HNRNPH2: variants seen among roughly 807,000 people sequenced by gnomAD.
HNRNPH2 encodes the protein heterogeneous nuclear ribonucleoprotein H2, also known as FTP-3.
For synonymous variants in HNRNPH2, 128 were observed against 128.2 expected (o/e 1.00, Z 0.01); for missense variants, 115 against 352.9 (o/e 0.33, Z 5.40).
rs372353823 is a variant in HNRNPH2 at position 101,412,429 on chromosome X, T to C, written c.441T>C (p.Phe147=). 2 of 1,210,765 alleles carry C rather than the reference T, an allele frequency of 1.7e-6. No individual in the cohort carries two copies. Among genetic ancestry groups the C allele is most frequent in the Non-Finnish European group, 2.2e-6 (2 of 895,282 alleles). Residue 147 remains phenylalanine, a synonymous_variant, in exon 2 of 2, where the codon TTT becomes TTC. Coordinates refer to ENST00000316594, the MANE Select transcript of HNRNPH2 (RefSeq NM_019597.5). ...VPNGMTLPVD[F]QGRSTGEAFV... is the part of the protein sequence containing the mutation. ...ATGGGATGACACTGCCAGTGGACTT[T>C]CAGGGGCGAAGCACAGGGGAAGCCT...
chrX:101,408,543 C>T (rs1041781363), intron 1 of HNRNPH2, among the ~76,000 whole-genome samples: 6 of 109,925 alleles, frequency 5.5e-5, no homozygotes, highest in African/African-American at 1.7e-4. Context: ...ATCTGTCTGT[C>T]TGGGCCGGTC....
At chrX:101,410,257 G>C (rs912674711) in intron 1 of HNRNPH2, among the ~76,000 whole-genome samples, 2 of 112,395 alleles carry the variant, frequency 1.8e-5, no homozygotes, top group African/African-American at 6.5e-5. Flanking sequence ...TAACTGAAAT[G>C]TATTTGCTGT....
chrX:101,408,268 C>T lies in HNRNPH2; in HGVS notation c.-105C>T, dbSNP rs1928624397. The T allele has an allele frequency of 7.3e-6, 2 of 273,690 alleles. No individual in the cohort carries two copies. Among genetic ancestry groups the T allele is most frequent in the East Asian group, 8.6e-5 (1 of 11,649 alleles). 22.6% of individuals were successfully genotyped at this position (273,690 alleles called of 1,213,427 possible). ...TAGTTCTGGTCGTCGTCTACCGTCTCGCTATAGCCGTTTGAGGGAAGAAGG... is the reference window on the plus strand; with the variant it reads ...TAGTTCTGGTCGTCGTCTACCGTCTTGCTATAGCCGTTTGAGGGAAGAAGG... On this transcript the variant is annotated 5_prime_UTR_variant, in exon 1 of 2. Coordinates refer to ENST00000316594, the MANE Select transcript of HNRNPH2 (RefSeq NM_019597.5).
rs1928877441 is a variant in HNRNPH2, at chrX:101,413,682, A to C, written c.*344A>C. ...CAGTATTGACCATAACTGTTAAAAC[A>C]ATTTTTAGCTTTCCTCAAGTTAGTT... is the stretch of plus-strand genomic sequence containing the variant. On this transcript the variant is annotated 3_prime_UTR_variant, in exon 2 of 2. Coordinates refer to ENST00000316594, the MANE Select transcript of HNRNPH2 (RefSeq NM_019597.5). 1 of 163,219 alleles carries C rather than the reference A, an allele frequency of 6.1e-6. No homozygotes were observed. The highest frequency in any genetic ancestry group is 7.5e-5 in the Admixed American group (1 of 13,336). The allele number at this position is 163,219 out of a possible 1,213,427, so 13.5% of individuals were successfully genotyped here. A position where few individuals can be genotyped will look rare whatever the true frequency, so the allele number is the denominator to read the frequency against.
At position 101,413,171 on chromosome X, in the gene HNRNPH2, C is replaced by G; in HGVS notation, c.1183C>G (p.Gln395Glu). The change falls in exon 2 of 2, where the codon CAA becomes GAA. Residue 395 changes from glutamine (Q) to glutamate (E), a missense_variant. Transcript: ENST00000316594. ...GGCAAGTGGTGGCGCTTATGGTAGC[C>G]AAATGATGGGAGGGATGGGCTTATC... ...AGASGGAYGS[Q>E]MMGGMGLSNQ... 1 of 1,211,454 alleles carries G rather than the reference C, an allele frequency of 8.3e-7. No homozygotes were observed. The highest frequency in any genetic ancestry group is 1.1e-6 in the Non-Finnish European group (1 of 895,392).
intron 1 of HNRNPH2, among the ~76,000 whole-genome samples, chrX:101,408,700 G>T (rs1928655785): frequency 9.0e-6 from 1 of 111,231 alleles, no homozygotes; most frequent in Non-Finnish European, 1.9e-5. Context: ...TGTCTGTAAG[G>T]GGAGGCCCCA....
At chrX:101,409,552 C>T (rs1213512429) in intron 1 of HNRNPH2, among the ~76,000 whole-genome samples, 1 of 111,801 alleles carries the variant, frequency 8.9e-6, no homozygotes, top group Admixed American at 9.5e-5. Context: ...CATGGAAAAT[C>T]CATAAACCTC....
chrX:101,413,440 T>C lies in HNRNPH2; in HGVS notation c.*102T>C. 1.6e-6 allele frequency: 1 copy of C among 642,252 alleles called. No homozygotes were observed. The highest frequency in any genetic ancestry group is 2.4e-6 in the Non-Finnish European group (1 of 418,777). The allele number at this position is 642,252 out of a possible 1,213,427, so 52.9% of individuals were successfully genotyped here. ...TGTTTAGTATATCCAGTATGATTGGTAAATGGGAAATATAATTGATTCTGA... is the reference window on the plus strand; with the variant it reads ...TGTTTAGTATATCCAGTATGATTGGCAAATGGGAAATATAATTGATTCTGA... On this transcript the variant is annotated 3_prime_UTR_variant, in exon 2 of 2. Transcript: ENST00000316594.
intron 1 of HNRNPH2, 112 bp from the exon 2 acceptor site, chrX:101,411,824 C>T: frequency 1.2e-6 from 1 of 836,969 alleles, no homozygotes; most frequent in East Asian, 3.4e-5. Context: ...ATACAGACGT[C>T]TTACAGAAAA....
intron 1 of HNRNPH2, among the ~76,000 whole-genome samples, chrX:101,411,167 A>G (rs782110589): frequency 2.7e-5 from 3 of 111,521 alleles, no homozygotes; most frequent in Non-Finnish European, 5.6e-5. Flanking sequence ...GAATGTGTGA[A>G]TTCCCAATAA....
intron 1 of HNRNPH2, 104 bp from the exon 2 acceptor site, chrX:101,411,832 A>G: frequency 1.1e-6 from 1 of 882,747 alleles, no homozygotes; most frequent in East Asian, 3.3e-5. Flanking sequence ...GTCTTACAGA[A>G]AAGCTGTCAG....
intron 1 of HNRNPH2, among the ~76,000 whole-genome samples, chrX:101,411,436 A>T (rs1603051641): frequency 2.2e-5 from 1 of 46,436 alleles, no homozygotes; most frequent in Non-Finnish European, 3.7e-5. Context: ...TTTTTTTGAG[A>T]CGGAGTTTTG....
At position 101,412,781 on chromosome X, in the gene HNRNPH2, A is replaced by C. The variant is rs1555988484; in HGVS notation, c.793A>C (p.Asn265His). 8.3e-7 allele frequency: 1 copy of C among 1,209,917 alleles called. No homozygotes were observed. Among genetic ancestry groups the C allele is most frequent in the Admixed American group, 2.2e-5 (1 of 46,027 alleles). Residue 265 changes from asparagine (N) to histidine (H), a missense_variant, in exon 2 of 2, where the codon AAT (asparagine) becomes CAT (histidine). Asn to His is a moderately conservative substitution (Grantham distance 68, BLOSUM62 1). Transcript: ENST00000316594. The stretch of plus-strand genomic sequence containing the variant: ...GTCTGATAGATTTGGAAGAGACCTC[A>C]ATTACTGTTTTTCAGGAATGTCTGA... ...FGSDRFGRDL[N>H]YCFSGMSDHR...
chrX:101,410,982 T>A (rs1331384549), intron 1 of HNRNPH2, among the ~76,000 whole-genome samples: 1 of 111,863 alleles, frequency 8.9e-6, no homozygotes, highest in Non-Finnish European at 1.9e-5. Context: ...CCCTCTTTGA[T>A]ACTATGCTTA....
chrX:101,408,257 G>T lies in HNRNPH2; in HGVS notation c.-116G>T, dbSNP rs1206183405. On this transcript the variant is annotated 5_prime_UTR_variant, in exon 1 of 2. Transcript: ENST00000316594. ...GTGAGCAGAAGTAGTTCTGGTCGTC[G>T]TCTACCGTCTCGCTATAGCCGTTTG... The T allele has an allele frequency of 3.4e-6, 1 of 292,900 alleles. No homozygotes were observed. The highest frequency in any genetic ancestry group is 6.2e-6 in the Non-Finnish European group (1 of 161,383). 24.1% of individuals were successfully genotyped at this position (292,900 alleles called of 1,213,427 possible). A position where few individuals can be genotyped will look rare whatever the true frequency, so the allele number is the denominator to read the frequency against.
In HNRNPH2 at chrX:101,412,262, G is replaced by A; in HGVS notation, c.274G>A (p.Glu92Lys). 1 of 1,211,770 alleles carries A rather than the reference G, an allele frequency of 8.3e-7. No individual in the cohort carries two copies. The highest frequency in any genetic ancestry group is 1.1e-6 in the Non-Finnish European group (1 of 895,259). Residue 92 changes from glutamate to lysine, a missense_variant, in exon 2 of 2, where the codon GAA becomes AAA. By Grantham distance (56) the Glu-to-Lys change is moderately conservative. Transcript: ENST00000316594. ...TGAAGTATTCAAGTCTAACAGTGTT[G>A]AAATGGATTGGGTGTTGAAGCATAC... ...YVEVFKSNSV[E>K]MDWVLKHTGP... is the part of the protein sequence containing the mutation.
At chrX:101,408,520 T>G (rs895814186) in intron 1 of HNRNPH2, among the ~76,000 whole-genome samples, 2 of 108,981 alleles carry the variant, frequency 1.8e-5, no homozygotes, top group African/African-American at 6.7e-5. Flanking sequence ...TGACTGTGTA[T>G]GTGTTTTTGT....
In HNRNPH2 at chrX:101,412,110, C is replaced by T; in HGVS notation, c.122C>T (p.Ser41Leu). 8.3e-7 allele frequency: 1 copy of T among 1,211,503 alleles called. No homozygotes were observed. Among genetic ancestry groups the T allele is most frequent in the Non-Finnish European group, 1.1e-6 (1 of 895,388 alleles). ...GATTGCAAGATCCAAAATGGCACATCAGGTATTCGTTTCATCTACACCAGA... is the reference window on the plus strand; with the variant it reads ...GATTGCAAGATCCAAAATGGCACATTAGGTATTCGTTTCATCTACACCAGA... ...FSDCKIQNGT[S>L]GIRFIYTREG... The change falls in exon 2 of 2, where the codon TCA becomes TTA. Residue 41 changes from serine to leucine, a missense_variant. Coordinates refer to ENST00000316594, the MANE Select transcript of HNRNPH2 (RefSeq NM_019597.5).
At chrX:101,409,214 T>A (rs1253605353) in intron 1 of HNRNPH2, among the ~76,000 whole-genome samples, 1 of 111,678 alleles carries the variant, frequency 9.0e-6, no homozygotes, top group African/African-American at 3.3e-5. Flanking sequence ...CACTGAGACC[T>A]TAGGATGGTT....
Sources: gnomAD v4.1 joint callset for allele counts (sites outside exome capture counted in the v4.1 genomes callset) on GRCh38, gnomAD v4.1.1 for gene constraint, MANE v1.5 for transcripts, NCBI Gene and HGNC (gene_info 2026-07-23, HGNC 2026-07-21) for gene names.